The following ADCY2 variants were observed in gnomAD, a reference collection of about 807,000 sequenced individuals.
ADCY2 encodes the protein adenylate cyclase type 2.
A neutral mutation model predicts 125.2 loss-of-function variants in ADCY2; 31 were observed. That is an observed-to-expected ratio of 0.25 (90% CI 0.19 to 0.33). ADCY2 has a LOEUF of 0.33. Among genes scored for constraint, ADCY2 ranks in the 10% least tolerant of loss-of-function variants. ADCY2 has a pLI of 1.00. For missense variants in ADCY2, 904 were observed against 1,418.2 expected, an observed-to-expected ratio of 0.64 and a Z score of 5.82; for synonymous variants, 512 against 548.4, an observed-to-expected ratio of 0.93 and a Z score of 0.93.
intron 1 of ADCY2, among the ~76,000 whole-genome samples, chr5:7,408,609 C>G (rs1739592040): frequency 6.6e-6 from 1 of 152,016 alleles, no homozygotes; most frequent in African/African-American, 2.4e-5. Flanking sequence ...CTTGGGTGAT[C>G]TACCCACCGC....
intron 4 of ADCY2, among the ~76,000 whole-genome samples, chr5:7,683,665 G>T (rs189828993): frequency 3.3e-5 from 5 of 152,232 alleles, no homozygotes; most frequent in Admixed American, 2.0e-4. Flanking sequence ...CCTCCCAGGG[G>T]GGCATGGGAG....
chr5:7,783,129 A>AT (rs536439002), intron 18 of ADCY2, among the ~76,000 whole-genome samples: 70 of 152,238 alleles, frequency 4.6e-4, no homozygotes, highest in African/African-American at 1.6e-3. Context: ...GCAGGAATCC[A>AT]CCTTTTCTTT....
intron 4 of ADCY2, among the ~76,000 whole-genome samples, chr5:7,646,987 C>T (rs1163331372): frequency 6.6e-6 from 1 of 152,140 alleles, no homozygotes; most frequent in Non-Finnish European, 1.5e-5. Context: ...CAGCATCATC[C>T]TCTGATGTGT....
At chr5:7,444,410 G>T (rs1963032) in intron 2 of ADCY2, among the ~76,000 whole-genome samples, 5 of 151,568 alleles carry the variant, frequency 3.3e-5, no homozygotes, top group South Asian at 2.1e-4. Flanking sequence ...CCACCGCGCC[G>T]GGGCTGTTTT....
At chr5:7,496,812 G>A (rs1046234789) in intron 2 of ADCY2, among the ~76,000 whole-genome samples, 1 of 151,856 alleles carries the variant, frequency 6.6e-6, no homozygotes, top group African/African-American at 2.4e-5. Context: ...AATATAATGG[G>A]GCAATAACTT....
At chr5:7,623,706 C>T (rs1738030422) in intron 3 of ADCY2, among the ~76,000 whole-genome samples, 1 of 152,204 alleles carries the variant, frequency 6.6e-6, no homozygotes, top group South Asian at 2.1e-4. Flanking sequence ...CCACATTGCT[C>T]TGAAGTGCTG....
At chr5:7,603,106 A>G (rs1737269929) in intron 3 of ADCY2, among the ~76,000 whole-genome samples, 1 of 152,170 alleles carries the variant, frequency 6.6e-6, no homozygotes. Context: ...TGTCCCACGA[A>G]CAGTATCTGC....
intron 15 of ADCY2, among the ~76,000 whole-genome samples, chr5:7,746,749 T>C (rs1159564991): frequency 6.6e-6 from 1 of 152,252 alleles, no homozygotes; most frequent in Non-Finnish European, 1.5e-5. Flanking sequence ...AGACAGTATT[T>C]GTGCTCTAAT....
At chr5:7,447,906 C>T (rs1322611819) in intron 2 of ADCY2, among the ~76,000 whole-genome samples, 2 of 152,180 alleles carry the variant, frequency 1.3e-5, no homozygotes, top group Non-Finnish European at 2.9e-5. Context: ...CCTAATGGGG[C>T]TGCAGAAGCT....
At chr5:7,470,436 A>G (rs956195519) in intron 2 of ADCY2, among the ~76,000 whole-genome samples, 1 of 150,636 alleles carries the variant, frequency 6.6e-6, no homozygotes, top group African/African-American at 2.4e-5. Context: ...TTTTTCATGG[A>G]TTGTAGTGAA....
chr5:7,489,013 G>T (rs1254178759), intron 2 of ADCY2, among the ~76,000 whole-genome samples: 4 of 152,112 alleles, frequency 2.6e-5, no homozygotes, highest in African/African-American at 4.8e-5. Flanking sequence ...CAAATAGCTG[G>T]GTCCTGCCTT....
At chr5:7,804,297 G>A (rs326147) in intron 21 of ADCY2, among the ~76,000 whole-genome samples, 39,185 of 152,020 alleles carry the variant, frequency 0.26, 5,433 homozygotes, top group Admixed American at 0.41. Context: ...CAAGCCCATC[G>A]TCATTTGCAT....
chr5:7,811,512 G>A (rs326148), intron 22 of ADCY2, among the ~76,000 whole-genome samples: 4,724 of 129,742 alleles, frequency 0.036, 227 homozygotes, highest in African/African-American at 0.16. Context: ...AAAAAAAAAA[G>A]AAAAAAAATC....
intron 2 of ADCY2, among the ~76,000 whole-genome samples, chr5:7,495,001 A>C (rs974866149): frequency 3.3e-5 from 5 of 152,148 alleles, no homozygotes; most frequent in African/African-American, 7.2e-5. Flanking sequence ...TGTCTGGGGA[A>C]TTGTCCAGCT....
At chr5:7,705,341 G>C (rs1741232757) in intron 7 of ADCY2, among the ~76,000 whole-genome samples, 1 of 152,250 alleles carries the variant, frequency 6.6e-6, no homozygotes, top group Non-Finnish European at 1.5e-5. Context: ...GGCCGAGATG[G>C]AGACAGACAG....
chr5:7,678,274 T>A (rs1008555484), intron 4 of ADCY2, among the ~76,000 whole-genome samples: 1 of 152,188 alleles, frequency 6.6e-6, no homozygotes, highest in Non-Finnish European at 1.5e-5. Context: ...TCTTCTGTCA[T>A]GGCGTGTAGC....
chr5:7,674,043 G>A (rs575890571), intron 4 of ADCY2, among the ~76,000 whole-genome samples: 4 of 147,920 alleles, frequency 2.7e-5, no homozygotes, highest in South Asian at 2.2e-4. Context: ...TTAGCCGCCC[G>A]CTGGCAGGGG....
At chr5:7,510,025 A>G (rs907880374) in intron 2 of ADCY2, among the ~76,000 whole-genome samples, 1 of 152,246 alleles carries the variant, frequency 6.6e-6, no homozygotes, top group Non-Finnish European at 1.5e-5. Flanking sequence ...TCAGTAAAAC[A>G]GAAGTAGCAG....
chr5:7,822,627 G>A (rs1265637170), intron 24 of ADCY2, among the ~76,000 whole-genome samples: 3 of 152,224 alleles, frequency 2.0e-5, no homozygotes, highest in Admixed American at 6.5e-5. Context: ...ATCATCAGCA[G>A]CTGGAACACA....
Sources: gnomAD v4.1 joint callset for allele counts (sites outside exome capture counted in the v4.1 genomes callset) on GRCh38, gnomAD v4.1.1 for gene constraint, MANE v1.5 for transcripts, NCBI Gene and HGNC (gene_info 2026-07-23, HGNC 2026-07-21) for gene names.